The following KCNIP4 variants were observed in gnomAD, a reference collection of about 807,000 sequenced individuals.
The protein encoded by KCNIP4 is potassium voltage-gated channel interacting protein 4, also known as Kv channel-interacting protein 4.
A neutral mutation model predicts 34.0 loss-of-function variants in KCNIP4; 12 were observed. The observed-to-expected ratio is 0.35, with a 90% CI of 0.23 to 0.57. The LOEUF is 0.57. Among genes scored for constraint, KCNIP4 ranks in the 20% least tolerant of loss-of-function variants. The pLI, the probability that KCNIP4 is intolerant of heterozygous loss-of-function variation, is 0.83. For missense variants in KCNIP4, 238 were observed against 311.7 expected (o/e 0.76, Z 1.78); for synonymous variants, 124 against 102.2 (o/e 1.21, Z -1.29).
chr4:20,932,955 A>C (rs1473095484), intron 1 of KCNIP4, among the ~76,000 whole-genome samples: 1 of 152,098 alleles, frequency 6.6e-6, no homozygotes, highest in Non-Finnish European at 1.5e-5. Context: ...ATAAAAATGC[A>C]GAGTAGAAGA....
chr4:21,166,938 CAAAAAAAAAAAAA>C (rs55649635), intron 1 of KCNIP4, among the ~76,000 whole-genome samples: 3 of 37,544 alleles, frequency 8.0e-5, no homozygotes, highest in African/African-American at 3.2e-4. Context: ...CACTCCATCT[CAAAAAAAAAAAAA>C]AAAAAAAAAA....
intron 1 of KCNIP4, among the ~76,000 whole-genome samples, chr4:21,803,841 G>A (rs1721142525): frequency 6.6e-6 from 1 of 152,182 alleles, no homozygotes; most frequent in Non-Finnish European, 1.5e-5. Context: ...TCTCTGAACA[G>A]AATAAAAGCT....
chr4:20,771,846 A>G (rs1755915862), intron 3 of KCNIP4, among the ~76,000 whole-genome samples: 1 of 151,878 alleles, frequency 6.6e-6, no homozygotes, highest in Admixed American at 6.6e-5. Flanking sequence ...ATTTTTTTGT[A>G]TTTTTAGTAG....
intron 1 of KCNIP4, among the ~76,000 whole-genome samples, chr4:21,528,771 GAAAGA>G (rs1736337421): frequency 8.4e-5 from 1 of 11,942 alleles, no homozygotes; most frequent in African/African-American, 3.6e-4. Context: ...AAGAAAGAAA[GAAAGA>G]AAGGAAGAAA....
chr4:21,594,953 C>T (rs1028619431), intron 1 of KCNIP4, among the ~76,000 whole-genome samples: 11 of 152,002 alleles, frequency 7.2e-5, no homozygotes, highest in African/African-American at 2.7e-4. Context: ...GCAAAAACCA[C>T]AATTACTTTT....
intron 1 of KCNIP4, among the ~76,000 whole-genome samples, chr4:21,326,322 A>G (rs1249887280): frequency 6.6e-6 from 1 of 151,470 alleles, no homozygotes; most frequent in Non-Finnish European, 1.5e-5. Flanking sequence ...ACGCACACAT[A>G]TTTGTTATAC....
At chr4:21,248,709 C>A (rs1474362958) in intron 1 of KCNIP4, among the ~76,000 whole-genome samples, 2 of 152,096 alleles carry the variant, frequency 1.3e-5, no homozygotes, top group African/African-American at 4.8e-5. Context: ...TACCATGTAC[C>A]ATTTTCACAG....
In KCNIP4 at chr4:21,298,929, G is replaced by A. The variant is rs568331637; in HGVS notation, c.62-416220C>T. ...ATTATTAGCCATTGCCCTTGATGTT[G>A]TAATGCTTAGGAAATGAAAATTATG... On this transcript the variant is annotated intron_variant, in intron 1 of 8. Transcript: ENST00000382152. 2.6e-5 allele frequency among the ~76,000 whole-genome samples: 4 copies of A among 152,206 alleles called. No homozygotes were observed. In the South Asian group the frequency reaches 8.3e-4, roughly 32 times the overall value.
At position 21,589,178 on chromosome 4, in the gene KCNIP4, A is replaced by G. The variant is rs1290438028; in HGVS notation, c.61+359393T>C. Among the ~76,000 whole-genome samples the G allele has an allele frequency of 1.4e-4, 9 of 65,104 alleles. No homozygotes were observed. The East Asian group carries it at 5.4e-3, about 39-fold the overall frequency. 42.7% of individuals were successfully genotyped at this position (65,104 alleles called of 152,430 possible). On this transcript the variant is annotated intron_variant, in intron 1 of 8. Coordinates refer to ENST00000382152, the MANE Select transcript of KCNIP4 (RefSeq NM_025221.6). ...TGTGTATATATATATATATATATATATATATATATATATATATATATATGT... is the reference window on the plus strand; with the variant it reads ...TGTGTATATATATATATATATATATGTATATATATATATATATATATATGT...
intron 1 of KCNIP4, among the ~76,000 whole-genome samples, chr4:21,080,793 C>T (rs1745937383): frequency 6.6e-6 from 1 of 151,750 alleles, no homozygotes; most frequent in African/African-American, 2.4e-5. Flanking sequence ...GTTCAATAAA[C>T]ATATTTGAAC....
At chr4:21,863,062 T>G (rs1387945195) in intron 1 of KCNIP4, among the ~76,000 whole-genome samples, 1 of 152,022 alleles carries the variant, frequency 6.6e-6, no homozygotes, top group Non-Finnish European at 1.5e-5. Context: ...AGTTTCATCA[T>G]CATCGCCAAC....
At chr4:21,295,295 G>T (rs1453442179) in intron 1 of KCNIP4, among the ~76,000 whole-genome samples, 1 of 152,154 alleles carries the variant, frequency 6.6e-6, no homozygotes, top group Non-Finnish European at 1.5e-5. Context: ...TGCCCTGGTG[G>T]TATCTGGTGC....
chr4:21,705,981 T>C (rs919347362), intron 1 of KCNIP4, among the ~76,000 whole-genome samples: 22 of 152,306 alleles, frequency 1.4e-4, no homozygotes, highest in African/African-American at 5.1e-4. Context: ...CTGCCTATAT[T>C]TGTGTATTGT....
At chr4:21,053,434 A>G (rs956300568) in intron 1 of KCNIP4, among the ~76,000 whole-genome samples, 7 of 152,316 alleles carry the variant, frequency 4.6e-5, no homozygotes, top group Admixed American at 3.3e-4. Context: ...AAAAATCTAG[A>G]CACTTTCCAA....
At chr4:21,353,206 G>C (rs1176917903) in intron 1 of KCNIP4, among the ~76,000 whole-genome samples, 1 of 152,186 alleles carries the variant, frequency 6.6e-6, no homozygotes, top group Non-Finnish European at 1.5e-5. Flanking sequence ...GAGCAGAAAA[G>C]CTGAAAACTC....
chr4:21,268,821 T>G (rs1395515974), intron 1 of KCNIP4, among the ~76,000 whole-genome samples: 1 of 152,186 alleles, frequency 6.6e-6, no homozygotes. Flanking sequence ...CTGGCAACGG[T>G]CAAGAAAACT....
chr4:21,625,060 CA>C (rs1745233063), intron 1 of KCNIP4, among the ~76,000 whole-genome samples: 1 of 152,044 alleles, frequency 6.6e-6, no homozygotes, highest in African/African-American at 2.4e-5. Flanking sequence ...AGCAAACCAA[CA>C]GTGCTTTTCA....
chr4:21,839,444 C>G (rs1297350356), intron 1 of KCNIP4, among the ~76,000 whole-genome samples: 1 of 152,094 alleles, frequency 6.6e-6, no homozygotes, highest in Admixed American at 6.6e-5. Flanking sequence ...TGACACACTT[C>G]CCCCATCTTT....
At chr4:20,819,487 C>T (rs11734471) in intron 3 of KCNIP4, among the ~76,000 whole-genome samples, 16 of 151,868 alleles carry the variant, frequency 1.1e-4, no homozygotes, top group Admixed American at 1.0e-3. Context: ...GATTTCGGAG[C>T]TATCTGAGAC....
Sources: gnomAD v4.1 joint callset for allele counts (sites outside exome capture counted in the v4.1 genomes callset) on GRCh38, gnomAD v4.1.1 for gene constraint, MANE v1.5 for transcripts, NCBI Gene and HGNC (gene_info 2026-07-23, HGNC 2026-07-21) for gene names.